The following LIMK1 variants were observed in gnomAD, a reference collection of about 807,000 sequenced individuals.
LIMK1 encodes the protein LIM domain kinase 1, also known as LIM motif-containing protein kinase.
In LIMK1, 21 loss-of-function variants were observed where a neutral mutation model predicts 77.6. The ratio of observed to expected loss-of-function variants is 0.27; its 90% CI spans 0.19 to 0.39. LIMK1 has a LOEUF of 0.39. Ranked by LOEUF, LIMK1 falls within the 10% of genes least tolerant of loss-of-function variation. The probability of loss-of-function intolerance (pLI) is 1.00; values close to 1 mark genes in which losing one functional copy is unlikely to be tolerated. For missense variants in LIMK1, 696 were observed against 901.6 expected, an observed-to-expected ratio of 0.77 and a Z score of 2.92; for synonymous variants, 358 against 370.0, an observed-to-expected ratio of 0.97 and a Z score of 0.37.
chr7:74,099,162 C>T lies in LIMK1; in HGVS notation c.532C>T (p.Leu178Phe). The T allele has an allele frequency of 6.2e-7, 1 of 1,613,366 alleles. No homozygotes were observed. The highest frequency in any genetic ancestry group is 8.5e-7 in the Non-Finnish European group (1 of 1,180,006). ...AGCCTCATCTCATGGCAAGCGTGGA[C>T]TTTCAGTCTCCATTGACCCCCCGCA... is the stretch of plus-strand genomic sequence containing the variant. The part of the protein sequence containing the change: ...IPASSHGKRG[L>F]SVSIDPPHGP... The change falls in exon 5 of 16, where the codon CTT (leucine) becomes TTT (phenylalanine). Residue 178 changes from leucine to phenylalanine, a missense_variant. By Grantham distance (22) the Leu-to-Phe change is conservative. This residue lies in a region of LIMK1 where 252 missense variants were observed against 279.4 expected (regional missense o/e 0.90). Transcript: ENST00000336180.
chr7:74,096,708 A>G lies in LIMK1; in HGVS notation c.239A>G (p.Tyr80Cys). Residue 80 changes from tyrosine to cysteine, a missense_variant, in exon 3 of 16, where the codon TAT becomes TGT. Physicochemically the swap from Tyr to Cys is radical, Grantham distance 194. This residue lies in a region of LIMK1 where 252 missense variants were observed against 279.4 expected (regional missense o/e 0.90). Coordinates refer to ENST00000336180, the MANE Select transcript of LIMK1 (RefSeq NM_002314.4). The part of the protein sequence containing the change: ...LFCKKDYWAR[Y>C]GESCHGCSEQ... ...TGCAAGAAGGACTACTGGGCCCGCT[A>G]TGGCGAGTCCTGCCATGGGTGCTCT... 3 of 1,613,862 alleles carry G rather than the reference A, an allele frequency of 1.9e-6. No individual in the cohort carries two copies. Among genetic ancestry groups the G allele is most frequent in the African/African-American group, 1.3e-5 (1 of 75,040 alleles).
chr7:74,084,174 A>G, intron 1 of LIMK1, 129 bp downstream of exon 1: 2 of 349,382 alleles, frequency 5.7e-6, no homozygotes, highest in East Asian at 9.2e-5. Flanking sequence ...CGTCCTTACG[A>G]AGCCCGCAGG....
At position 74,106,209 on chromosome 7, in the gene LIMK1, G is replaced by A; in HGVS notation, c.847G>A (p.Glu283Lys). ...LSSPAYTPSG[E>K]AGSSARQKPV... ...CTCTCCGGCTTATACTCCCAGCGGG[G>A]AGGCGGGCAGCTCTGCCCGGCAGAA... The change falls in exon 7 of 16, where the codon GAG becomes AAG. Residue 283 changes from glutamate to lysine, a missense_variant. Around this residue, in one of 3 missense-constraint regions of LIMK1, gnomAD observed 438 missense variants for 602.3 expected, o/e 0.73. Transcript: ENST00000336180. 1.2e-6 allele frequency: 2 copies of A among 1,613,704 alleles called. No individual in the cohort carries two copies. The highest frequency in any genetic ancestry group is 1.7e-6 in the Non-Finnish European group (2 of 1,179,998).
chr7:74,109,134 C>A, intron 10 of LIMK1, 98 bp downstream of exon 10: 1 of 958,268 alleles, frequency 1.0e-6, no homozygotes, highest in Non-Finnish European at 1.6e-6. Context: ...GGGGGGAAGC[C>A]ACAGGGGTCT....
intron 1 of LIMK1, among the ~76,000 whole-genome samples, chr7:74,084,336 A>G (rs1479735975): frequency 6.6e-6 from 1 of 151,580 alleles, no homozygotes; most frequent in Non-Finnish European, 1.5e-5. Context: ...GTCGGCCTCC[A>G]TCCGCGTGCT....
intron 2 of LIMK1, among the ~76,000 whole-genome samples, chr7:74,096,370 G>A (rs1335320225): frequency 3.9e-5 from 6 of 151,986 alleles, no homozygotes; most frequent in African/African-American, 1.4e-4. Context: ...GCATGGTGGT[G>A]TGTGCCTGTA....
chr7:74,102,769 A>G (rs933787308), intron 5 of LIMK1, among the ~76,000 whole-genome samples: 6 of 151,980 alleles, frequency 3.9e-5, no homozygotes, highest in African/African-American at 1.2e-4. Flanking sequence ...TATTGTCTCT[A>G]TACTGAACTA....
chr7:74,112,712 C>G lies in LIMK1; in HGVS notation c.1410+714C>G, dbSNP rs1799726818. Among the ~76,000 whole-genome samples, 3 of 152,140 alleles carry G rather than the reference C, an allele frequency of 2.0e-5. No homozygotes were observed. In the South Asian group the frequency reaches 6.2e-4, roughly 32 times the overall value. The stretch of plus-strand genomic sequence containing the variant: ...TGGTGGCAGGTGCCTGTAGTCCCAA[C>G]TACTTGGGAGGCTGAAGCAGGAGAA... On this transcript the variant is annotated intron_variant, in intron 12 of 15. Coordinates refer to ENST00000336180, the MANE Select transcript of LIMK1 (RefSeq NM_002314.4).
At chr7:74,095,833 A>T (rs868977639) in intron 2 of LIMK1, among the ~76,000 whole-genome samples, 1 of 152,146 alleles carries the variant, frequency 6.6e-6, no homozygotes, top group South Asian at 2.1e-4. Context: ...TGGCACCTAC[A>T]GCCTGGCATT....
At position 74,107,895 on chromosome 7, in the gene LIMK1, GT is replaced by G; in HGVS notation, c.1091del (p.Val364GlyfsTer3). Reference protein sequence around the residue: ...IKVTHRETGEVMVMKELIRFD... With the variant: ...IKVTHRETGEXMVMKELIRFD... ...GGTGACACACCGTGAGACAGGTGAG[GT>G]GATGGTGATGAAGGAGCTGATCCGG... On this transcript the variant is annotated frameshift_variant, in exon 9 of 16. Coordinates refer to ENST00000336180, the MANE Select transcript of LIMK1 (RefSeq NM_002314.4). LOFTEE classifies it high-confidence loss of function. The G allele has an allele frequency of 6.3e-7, 1 of 1,577,016 alleles. No individual in the cohort carries two copies. Among genetic ancestry groups the G allele is most frequent in the Non-Finnish European group, 8.6e-7 (1 of 1,161,014 alleles).
At chr7:74,108,642 C>G (rs1342265761) in intron 9 of LIMK1, among the ~76,000 whole-genome samples, 6 of 146,246 alleles carry the variant, frequency 4.1e-5, no homozygotes, top group Non-Finnish European at 9.0e-5. Context: ...AGTGAGACTC[C>G]TTCTCAAAAA....
At chr7:74,118,377 AACACACACACAC>A (rs57707215) in intron 13 of LIMK1, among the ~76,000 whole-genome samples, 1,481 of 130,128 alleles carry the variant, frequency 0.011, 17 homozygotes, top group African/African-American at 0.033. Flanking sequence ...CTCTGTGTCA[AACACACACACAC>A]ACACACACAC....
intron 12 of LIMK1, among the ~76,000 whole-genome samples, chr7:74,114,586 A>G (rs1251858407): frequency 6.6e-6 from 1 of 151,450 alleles, no homozygotes; most frequent in African/African-American, 2.4e-5. Flanking sequence ...CCGAAAAGCA[A>G]AAAACATAGA....
chr7:74,101,683 C>T (rs180675658), intron 5 of LIMK1, among the ~76,000 whole-genome samples: 46 of 152,160 alleles, frequency 3.0e-4, no homozygotes, highest in South Asian at 6.2e-4. Context: ...TTTAGTTGAC[C>T]GCTTTTCATT....
chr7:74,106,855 G>A (rs1177793175), intron 7 of LIMK1, among the ~76,000 whole-genome samples, 155 bp from the exon 8 acceptor site: 1 of 152,266 alleles, frequency 6.6e-6, no homozygotes, highest in Non-Finnish European at 1.5e-5. Flanking sequence ...GGGATGGGCA[G>A]CCTTTGGACT....
chr7:74,100,530 C>T (rs1799435945), intron 5 of LIMK1, among the ~76,000 whole-genome samples: 1 of 151,934 alleles, frequency 6.6e-6, no homozygotes, highest in East Asian at 1.9e-4. Flanking sequence ...TCAAGCAATT[C>T]TTGCACCTCA....
chr7:74,112,377 G>A (rs1799717283), intron 12 of LIMK1, among the ~76,000 whole-genome samples: 1 of 152,210 alleles, frequency 6.6e-6, no homozygotes, highest in Admixed American at 6.6e-5. Context: ...GGGGGCCACA[G>A]AGTGGGGGCA....
intron 11 of LIMK1, 101 bp downstream of exon 11, chr7:74,111,808 G>A (rs1281350434): frequency 1.4e-6 from 2 of 1,438,278 alleles, no homozygotes; most frequent in African/African-American, 2.8e-5. Context: ...GGGTCGATGG[G>A]AGAGTGGGAA....
At position 74,096,702 on chromosome 7, in the gene LIMK1, C is replaced by T. The variant is rs782664514; in HGVS notation, c.233C>T (p.Ala78Val). 2.6e-5 allele frequency: 42 copies of T among 1,613,934 alleles called. No individual in the cohort carries two copies. The highest frequency in any genetic ancestry group is 6.7e-5 in the East Asian group (3 of 44,854). Reference protein sequence around the residue: ...GQLFCKKDYWARYGESCHGCS... With the variant: ...GQLFCKKDYWVRYGESCHGCS... ...CTCTTCTGCAAGAAGGACTACTGGG[C>T]CCGCTATGGCGAGTCCTGCCATGGG... The change falls in exon 3 of 16, where the codon GCC becomes GTC. Residue 78 changes from alanine to valine, a missense_variant. Physicochemically the swap from Ala to Val is moderately conservative, Grantham distance 64. Around this residue, in one of 3 missense-constraint regions of LIMK1, gnomAD observed 252 missense variants for 279.4 expected, o/e 0.90. Coordinates refer to ENST00000336180, the MANE Select transcript of LIMK1 (RefSeq NM_002314.4).
Sources: gnomAD v4.1 joint callset for allele counts (sites outside exome capture counted in the v4.1 genomes callset) on GRCh38, gnomAD v4.1.1 for gene constraint, gnomAD v4.1.1 regional missense constraint, MANE v1.5 for transcripts, NCBI Gene and HGNC (gene_info 2026-07-23, HGNC 2026-07-21) for gene names.